Variants in TMTC2 observed in about 807,000 individuals in gnomAD.
TMTC2 encodes protein O-mannosyl-transferase TMTC2.
In TMTC2, 43 loss-of-function variants were observed where a neutral mutation model predicts 82.4. That is an observed-to-expected ratio of 0.52 (90% CI 0.41 to 0.67). TMTC2 has a LOEUF of 0.67. Ranked by LOEUF, TMTC2 falls within the 30% of genes least tolerant of loss-of-function variation. The pLI is 0.00. For missense variants in TMTC2, 919 were observed against 1,012.4 expected, an observed-to-expected ratio of 0.91 and a Z score of 1.25; for synonymous variants, 408 against 381.9, an observed-to-expected ratio of 1.07 and a Z score of -0.80.
chr12:83,094,887 C>G (rs1042914932), intron 11 of TMTC2, among the ~76,000 whole-genome samples: 29 of 152,012 alleles, frequency 1.9e-4, no homozygotes, highest in Non-Finnish European at 2.9e-5. Context: ...ATCCTGGAAG[C>G]GTGTCATGCA....
chr12:82,887,940 G>T (rs781196993), intron 2 of TMTC2, among the ~76,000 whole-genome samples: 1 of 152,062 alleles, frequency 6.6e-6, no homozygotes. Context: ...TTAGCCTGGC[G>T]TGGTGGCACA....
At chr12:83,012,052 T>A (rs1880486869) in intron 8 of TMTC2, among the ~76,000 whole-genome samples, 1 of 152,152 alleles carries the variant, frequency 6.6e-6, no homozygotes, top group African/African-American at 2.4e-5. Flanking sequence ...TTCCCTAAGT[T>A]AATTTTTCTG....
At chr12:82,991,573 T>C (rs1879405231) in intron 8 of TMTC2, among the ~76,000 whole-genome samples, 1 of 152,184 alleles carries the variant, frequency 6.6e-6, no homozygotes, top group African/African-American at 2.4e-5. Flanking sequence ...GTAGCCTCCA[T>C]GTTTAAATAT....
Position 82,763,569 on chromosome 12 carries a change from A to T in TMTC2, c.83+75900A>T, listed in dbSNP as rs1415782539. On this transcript the variant is annotated intron_variant, in intron 1 of 11. Transcript: ENST00000321196. ...AACTGAAGAACTTGATAATAAAAGA[A>T]GACACAGACAAAAATATGTCAAAGG... 2.0e-5 allele frequency among the ~76,000 whole-genome samples: 3 copies of T among 152,266 alleles called. No homozygotes were observed. In the East Asian group the frequency reaches 5.8e-4, roughly 29 times the overall value.
At chr12:82,815,286 TA>T (rs1364161825) in intron 1 of TMTC2, among the ~76,000 whole-genome samples, 3 of 134,056 alleles carry the variant, frequency 2.2e-5, no homozygotes, top group South Asian at 2.2e-4. Flanking sequence ...TTTGCGCATT[TA>T]TTTTTTTTAA....
chr12:82,902,416 G>C (rs1161686198), intron 3 of TMTC2, among the ~76,000 whole-genome samples: 7 of 152,174 alleles, frequency 4.6e-5, no homozygotes, highest in Non-Finnish European at 1.0e-4. Context: ...CTCTGGATTT[G>C]TCTTTCTCTA....
intron 9 of TMTC2, among the ~76,000 whole-genome samples, chr12:83,047,036 CT>C (rs1882170431): frequency 6.6e-6 from 1 of 152,124 alleles, no homozygotes. Context: ...TGAAAGCTAT[CT>C]TTTTACAATA....
chr12:82,876,153 G>GATGATGGTGATTA (rs1872559398), intron 2 of TMTC2, among the ~76,000 whole-genome samples: 1 of 138,626 alleles, frequency 7.2e-6, no homozygotes, highest in African/African-American at 3.1e-5. Flanking sequence ...TGGTGGTGGT[G>GATGATGGTGATTA]GTAGTGGTGG....
intron 10 of TMTC2, among the ~76,000 whole-genome samples, chr12:83,061,530 T>G (rs1882740344): frequency 6.6e-6 from 1 of 151,752 alleles, no homozygotes; most frequent in African/African-American, 2.4e-5. Context: ...ATTCCTAATA[T>G]GTAAATGTGA....
intron 1 of TMTC2, among the ~76,000 whole-genome samples, chr12:82,853,103 T>A (rs1592575353): frequency 6.6e-6 from 1 of 151,580 alleles, no homozygotes; most frequent in East Asian, 1.9e-4. Flanking sequence ...TTTCAAAGTT[T>A]TTTTTCTTTT....
At chr12:83,079,043 A>G (rs1343885859) in intron 11 of TMTC2, among the ~76,000 whole-genome samples, 1 of 152,202 alleles carries the variant, frequency 6.6e-6, no homozygotes, top group East Asian at 1.9e-4. Context: ...TGTATAAGCT[A>G]CTAATACAAT....
intron 8 of TMTC2, among the ~76,000 whole-genome samples, chr12:83,006,280 A>C (rs1485419816): frequency 6.6e-6 from 1 of 151,888 alleles, no homozygotes; most frequent in Non-Finnish European, 1.5e-5. Context: ...TTTTCTCCCA[A>C]AAGATCTGTC....
intron 1 of TMTC2, among the ~76,000 whole-genome samples, chr12:82,735,418 T>A (rs1875040949): frequency 6.6e-6 from 1 of 151,338 alleles, no homozygotes; most frequent in Admixed American, 6.6e-5. Flanking sequence ...CGATCTCGGC[T>A]CACTGCAAGC....
chr12:83,022,946 C>T (rs373385110), intron 8 of TMTC2, among the ~76,000 whole-genome samples: 18 of 152,242 alleles, frequency 1.2e-4, no homozygotes, highest in East Asian at 1.2e-3. Flanking sequence ...TTTGGCTACT[C>T]AAGTTCATGC....
Position 82,994,648 on chromosome 12 carries a change from C to T in TMTC2, c.2070+8602C>T, listed in dbSNP as rs915979793. ...CAGAACTAAAAAAAAAAAAAAAAGG[C>T]AGTCCTGTATAAAAACTTGCATTGG... On this transcript the variant is annotated intron_variant, in intron 8 of 11. Coordinates refer to ENST00000321196, the MANE Select transcript of TMTC2 (RefSeq NM_152588.3). Among the ~76,000 whole-genome samples the T allele has an allele frequency of 9.0e-4, 132 of 147,326 alleles. 1 individual carries two copies. Among genetic ancestry groups the T allele is most frequent in the African/African-American group, 3.1e-3 (122 of 39,892 alleles).
chr12:82,979,205 C>T (rs141937067), intron 7 of TMTC2, among the ~76,000 whole-genome samples: 23 of 151,578 alleles, frequency 1.5e-4, no homozygotes, highest in African/African-American at 4.8e-4. Flanking sequence ...TAAATAATGA[C>T]TTACTCTTGA....
intron 1 of TMTC2, among the ~76,000 whole-genome samples, chr12:82,691,684 G>T (rs1872586666): frequency 6.6e-6 from 1 of 152,096 alleles, no homozygotes; most frequent in Non-Finnish European, 1.5e-5. Flanking sequence ...TCTTTAAAAA[G>T]TTCTCTCTAA....
At chr12:83,089,936 T>C (rs1037285574) in intron 11 of TMTC2, among the ~76,000 whole-genome samples, 1 of 152,206 alleles carries the variant, frequency 6.6e-6, no homozygotes, top group Non-Finnish European at 1.5e-5. Flanking sequence ...AGTGCATATA[T>C]CCTATAATTG....
In TMTC2 at chr12:82,911,621, G is replaced by A. The variant is rs1425473908; in HGVS notation, c.1483+14975G>A. ...ATTTATTTTTTTCTTTTCTTTTTTTGAGATGGCGTCTTGCTCTGTTGCCCA... is the reference window on the plus strand; with the variant it reads ...ATTTATTTTTTTCTTTTCTTTTTTTAAGATGGCGTCTTGCTCTGTTGCCCA... On this transcript the variant is annotated intron_variant, in intron 3 of 11. Transcript: ENST00000321196. Among the ~76,000 whole-genome samples, 4 of 150,824 alleles carry A rather than the reference G, an allele frequency of 2.7e-5. No homozygotes were observed. In the East Asian group the frequency reaches 7.7e-4, roughly 29 times the overall value.
Sources: gnomAD v4.1 joint callset for allele counts (sites outside exome capture counted in the v4.1 genomes callset) on GRCh38, gnomAD v4.1.1 for gene constraint, MANE v1.5 for transcripts, NCBI Gene and HGNC (gene_info 2026-07-23, HGNC 2026-07-21) for gene names.